Variants in STIM2 observed in about 807,000 individuals in gnomAD.
The protein encoded by STIM2 is stromal interaction molecule 2.
STIM2 carries 31 observed loss-of-function variants against 85.8 expected under a neutral mutation model. That is an observed-to-expected ratio of 0.36 (90% CI 0.27 to 0.49). STIM2 has a LOEUF of 0.49. Among genes scored for constraint, STIM2 ranks in the 20% least tolerant of loss-of-function variants. The pLI is 0.98. For missense variants in STIM2, 841 were observed against 927.6 expected (o/e 0.91, Z 1.21); for synonymous variants, 356 against 331.1 (o/e 1.08, Z -0.82).
intron 2 of STIM2, among the ~76,000 whole-genome samples, chr4:26,951,357 C>T (rs941173491): frequency 8.5e-5 from 13 of 152,110 alleles, no homozygotes; most frequent in Non-Finnish European, 1.2e-4. Flanking sequence ...CACAAAGTCC[C>T]GTCTTTTCAA....
At chr4:26,986,562 CT>C (rs1198169173) in intron 3 of STIM2, among the ~76,000 whole-genome samples, 3 of 152,130 alleles carry the variant, frequency 2.0e-5, no homozygotes, top group African/African-American at 7.2e-5. Flanking sequence ...ATATTTTAAT[CT>C]TTTAAAGTTT....
At chr4:26,897,662 A>C (rs1723762133) in intron 1 of STIM2, among the ~76,000 whole-genome samples, 1 of 152,246 alleles carries the variant, frequency 6.6e-6, no homozygotes, top group East Asian at 1.9e-4. Flanking sequence ...TTATTAGGAC[A>C]TTTGAAAACT....
At chr4:26,898,322 G>A (rs1003513908) in intron 1 of STIM2, among the ~76,000 whole-genome samples, 22 of 152,234 alleles carry the variant, frequency 1.4e-4, no homozygotes, top group Admixed American at 1.2e-3. Flanking sequence ...AGAATACCTC[G>A]TAGAAGTACT....
At chr4:26,973,677 A>G (rs1337179956) in intron 3 of STIM2, among the ~76,000 whole-genome samples, 7 of 152,188 alleles carry the variant, frequency 4.6e-5, no homozygotes, top group Admixed American at 4.6e-4. Flanking sequence ...CAATTTTAGA[A>G]TAAGTGCGAT....
intron 2 of STIM2, among the ~76,000 whole-genome samples, chr4:26,947,591 C>T (rs1049403193): frequency 6.6e-6 from 1 of 152,058 alleles, no homozygotes; most frequent in Non-Finnish European, 1.5e-5. Context: ...TTTCTCCAGC[C>T]CTCCATCAGC....
intron 1 of STIM2, among the ~76,000 whole-genome samples, chr4:26,898,126 A>G (rs1208635297): frequency 6.6e-6 from 1 of 152,214 alleles, no homozygotes; most frequent in Non-Finnish European, 1.5e-5. Context: ...GATTGATTGC[A>G]TTTAGTTATG....
At chr4:26,900,758 C>G (rs554933611) in intron 1 of STIM2, among the ~76,000 whole-genome samples, 5 of 152,088 alleles carry the variant, frequency 3.3e-5, no homozygotes, top group Non-Finnish European at 5.9e-5. Context: ...TTCTTGAAGT[C>G]GATACTACAA....
chr4:26,957,688 C>T lies in STIM2; in HGVS notation c.359C>T (p.Thr120Met), dbSNP rs1292582185. ...CTGCACAGAGAAGATAAACATATAA[C>T]GATTGAGGATTTATGGAAACGATGG... The change falls in exon 3 of 12, where the codon ACG becomes ATG. Residue 120 changes from threonine (T) to methionine (M), a missense_variant. Physicochemically the swap from Thr to Met is moderately conservative, Grantham distance 81 (BLOSUM62 -1). Transcript: ENST00000467087. The T allele has an allele frequency of 1.3e-6, 2 of 1,596,292 alleles. No homozygotes were observed. Among genetic ancestry groups the T allele is most frequent in the East Asian group, 2.3e-5 (1 of 44,228 alleles).
chr4:27,007,580 C>T lies in STIM2; in HGVS notation c.1029C>T (p.Ser343=), dbSNP rs979600457. The change falls in exon 8 of 12, where the codon AGC becomes AGT. Residue 343 remains serine (S), a synonymous_variant. Transcript: ENST00000467087. ...CCGAAAAAGAATTTGAACTGAGAAG[C>T]AGTTGGTCTGTTCCAGATGCACTTC... is the stretch of plus-strand genomic sequence containing the variant. 6.9e-6 allele frequency: 11 copies of T among 1,593,014 alleles called. No individual in the cohort carries two copies. The highest frequency in any genetic ancestry group is 9.4e-6 in the Non-Finnish European group (11 of 1,170,406).
At position 26,908,053 on chromosome 4, in the gene STIM2, C is replaced by A. The variant is rs115214785; in HGVS notation, c.152-11451C>A. On this transcript the variant is annotated intron_variant, in intron 1 of 11. Coordinates refer to ENST00000467087, the MANE Select transcript of STIM2 (RefSeq NM_020860.4). ...AGTTGGAAATGTTTCCACTTAGAAA[C>A]ATTAAGAACTTTCTAAGATAATTGT... 9.0e-3 allele frequency among the ~76,000 whole-genome samples: 1,364 copies of A among 152,222 alleles called. 29 individuals are homozygous for A. The highest frequency in any genetic ancestry group is 0.031 in the African/African-American group (1,305 of 41,540).
chr4:26,950,937 G>A lies in STIM2; in HGVS notation c.283-6675G>A, dbSNP rs80203097. Among the ~76,000 whole-genome samples the A allele has an allele frequency of 4.0e-3, 604 of 152,092 alleles. 6 individuals carry two copies. The highest frequency in any genetic ancestry group is 0.014 in the African/African-American group (573 of 41,508). Reference sequence around the variant, plus strand: ...TTTTTTTTTTAAATGTATCAGATCAGCCATCAAAGCTTCTAATCAGCATGA... The same window carrying A: ...TTTTTTTTTTAAATGTATCAGATCAACCATCAAAGCTTCTAATCAGCATGA... On this transcript the variant is annotated intron_variant, in intron 2 of 11. Transcript: ENST00000467087.
chr4:26,992,416 A>C (rs1188579583), intron 3 of STIM2, among the ~76,000 whole-genome samples: 1 of 152,094 alleles, frequency 6.6e-6, no homozygotes, highest in Non-Finnish European at 1.5e-5. Context: ...AAAGCTACTA[A>C]GGGATTAATA....
At chr4:26,930,598 A>G (rs972134505) in intron 2 of STIM2, among the ~76,000 whole-genome samples, 2 of 152,188 alleles carry the variant, frequency 1.3e-5, no homozygotes, top group Non-Finnish European at 2.9e-5. Context: ...TGCTGCCTTC[A>G]CAATACATTC....
intron 1 of STIM2, 158 bp downstream of exon 1, chr4:26,861,527 C>A (rs1165427616): frequency 8.9e-7 from 1 of 1,120,284 alleles, no homozygotes; most frequent in Non-Finnish European, 1.1e-6. Context: ...GTCCCCTGCA[C>A]TCCGGACGTC....
chr4:26,987,674 T>A (rs566944396), intron 3 of STIM2, among the ~76,000 whole-genome samples: 9 of 152,222 alleles, frequency 5.9e-5, no homozygotes, highest in Non-Finnish European at 1.2e-4. Context: ...ACCTCCATGA[T>A]GAAGAACTGA....
chr4:26,988,029 T>C (rs1727642844), intron 3 of STIM2, among the ~76,000 whole-genome samples: 1 of 152,218 alleles, frequency 6.6e-6, no homozygotes, highest in South Asian at 2.1e-4. Context: ...AGGTTGTTTG[T>C]ATAGAATGTA....
At chr4:26,950,530 T>TA (rs983720722) in intron 2 of STIM2, among the ~76,000 whole-genome samples, 2 of 152,052 alleles carry the variant, frequency 1.3e-5, no homozygotes, top group African/African-American at 4.8e-5. Flanking sequence ...AGTGCCACAA[T>TA]AAAAAGGGCC....
intron 3 of STIM2, among the ~76,000 whole-genome samples, chr4:26,982,311 A>G (rs1727430063): frequency 6.6e-6 from 1 of 152,132 alleles, no homozygotes; most frequent in Admixed American, 6.6e-5. Context: ...TTTATATCCT[A>G]TTTTATTCAG....
Position 26,861,352 on chromosome 4 carries a change from G to T in STIM2, c.134G>T (p.Ser45Ile). ...TCTCCCGCCGCGGCGGCCGGCGATA[G>T]CCCGGCGCTCATGACAGGTGAGGGG... is the stretch of plus-strand genomic sequence containing the variant. Residue 45 changes from serine (S) to isoleucine (I), a missense_variant, in exon 1 of 12, where the codon AGC (serine) becomes ATC (isoleucine). Ser to Ile is a moderately radical substitution (Grantham distance 142, BLOSUM62 -2). Coordinates refer to ENST00000467087, the MANE Select transcript of STIM2 (RefSeq NM_020860.4). The T allele has an allele frequency of 7.4e-7, 1 of 1,359,988 alleles. No homozygotes were observed. The highest frequency in any genetic ancestry group is 9.4e-7 in the Non-Finnish European group (1 of 1,061,418). The allele number at this position is 1,359,988 out of a possible 1,614,324, so 84.2% of individuals were successfully genotyped here. A position where few individuals can be genotyped will look rare whatever the true frequency, so the allele number is the denominator to read the frequency against.
Sources: gnomAD v4.1 joint callset for allele counts (sites outside exome capture counted in the v4.1 genomes callset) on GRCh38, gnomAD v4.1.1 for gene constraint, MANE v1.5 for transcripts, NCBI Gene and HGNC (gene_info 2026-07-23, HGNC 2026-07-21) for gene names.